NPC1: variants seen among roughly 807,000 people sequenced by gnomAD.
NPC1 encodes the protein Niemann-Pick C1 protein.
In NPC1, 85 loss-of-function variants were observed where a neutral mutation model predicts 140.4. That is an observed-to-expected ratio of 0.61 (90% CI 0.51 to 0.72). The LOEUF is 0.72. NPC1 is among the 30% of genes least tolerant of loss of function. The pLI is 0.00. For missense variants in NPC1, 1,504 were observed against 1,623.8 expected (o/e 0.93, Z 1.27); for synonymous variants, 656 against 624.8 (o/e 1.05, Z -0.74).
chr18:23,570,171 C>A (rs564440175), intron 3 of NPC1, among the ~76,000 whole-genome samples: 2 of 152,326 alleles, frequency 1.3e-5, no homozygotes, highest in East Asian at 3.9e-4. Flanking sequence ...TTGGGGTACA[C>A]AGTTTTCAAA....
chr18:23,539,484 A>C lies in NPC1; in HGVS notation c.2796-14T>G. ...CCTATTCGGGTACTAGAGAGGACAG[A>C]CAGGGTTACTGACCTGCTCCACAGG... On this transcript the variant is annotated splice_polypyrimidine_tract_variant and intron_variant, in intron 18 of 24. Transcript: ENST00000269228. The C allele has an allele frequency of 6.4e-7, 1 of 1,566,076 alleles. No individual in the cohort carries two copies. Among genetic ancestry groups the C allele is most frequent in the Non-Finnish European group, 8.8e-7 (1 of 1,137,428 alleles).
At chr18:23,579,103 C>T (rs1244859782) in intron 1 of NPC1, among the ~76,000 whole-genome samples, 1 of 152,242 alleles carries the variant, frequency 6.6e-6, no homozygotes, top group Non-Finnish European at 1.5e-5. Context: ...ATCACTCTAA[C>T]TGCCTACCCT....
chr18:23,566,786 T>A (rs540824693), intron 4 of NPC1, among the ~76,000 whole-genome samples: 1 of 152,224 alleles, frequency 6.6e-6, no homozygotes, highest in Non-Finnish European at 1.5e-5. Context: ...ACCACCATTA[T>A]AGTATCATAT....
rs1229043618 is a variant in NPC1, at chr18:23,533,535, G to A, written c.3592-18C>T. 1.2e-6 allele frequency: 2 copies of A among 1,613,304 alleles called. No individual in the cohort carries two copies. The highest frequency in any genetic ancestry group is 1.7e-6 in the Non-Finnish European group (2 of 1,179,274). On this transcript the variant is annotated intron_variant, in intron 23 of 24. Transcript: ENST00000269228. Reference sequence around the variant, plus strand: ...CTGAACACCTAAAAGAAGAGATACTGTGTTAGAAACCACTTTTACCAACCT... The same window carrying A: ...CTGAACACCTAAAAGAAGAGATACTATGTTAGAAACCACTTTTACCAACCT...
chr18:23,546,264 A>AAG (rs2058788404), intron 11 of NPC1, among the ~76,000 whole-genome samples: 1 of 150,832 alleles, frequency 6.6e-6, no homozygotes, highest in African/African-American at 2.4e-5. Flanking sequence ...AAAAAAAAAA[A>AAG]AAAAAAAAAA....
chr18:23,577,679 G>A (rs1567985477), intron 1 of NPC1, among the ~76,000 whole-genome samples: 1 of 152,218 alleles, frequency 6.6e-6, no homozygotes, highest in African/African-American at 2.4e-5. Context: ...GTGGAGCAGG[G>A]GGTGGCGCTC....
At chr18:23,576,857 G>C (rs2059288939) in intron 1 of NPC1, 21 of 157,248 alleles carry the variant, frequency 1.3e-4, no homozygotes, top group Non-Finnish European at 2.1e-4. Context: ...TAAAAGCAGT[G>C]TGGACCCAAA....
chr18:23,513,249 C>T (rs1193629652), intron 3 of NPC1, among the ~76,000 whole-genome samples: 2 of 152,142 alleles, frequency 1.3e-5, no homozygotes, highest in East Asian at 1.9e-4. Flanking sequence ...CCACTGTGTC[C>T]GGCCGAATTT....
At chr18:23,519,409 T>C (rs1055577425), downstream of NPC1, among the ~76,000 whole-genome samples, 4 of 152,022 alleles carry the variant, frequency 2.6e-5, no homozygotes, top group Non-Finnish European at 5.9e-5. Flanking sequence ...TCCCAGCTAC[T>C]TGTGGGGCTA....
At position 23,531,587 on chromosome 18, in the gene NPC1, G is replaced by A; in HGVS notation, c.*615C>T. 1 of 1,601,754 alleles carries A rather than the reference G, an allele frequency of 6.2e-7. No individual in the cohort carries two copies. Among genetic ancestry groups the A allele is most frequent in the Non-Finnish European group, 8.5e-7 (1 of 1,175,768 alleles). On this transcript the variant is annotated 3_prime_UTR_variant, in exon 25 of 25. Transcript: ENST00000269228. ...ATGCTTTCTTTGTCCCTCATTTCATGCCACATCTAACTGGCAATTAAATCT... is the reference window on the plus strand; with the variant it reads ...ATGCTTTCTTTGTCCCTCATTTCATACCACATCTAACTGGCAATTAAATCT...
chr18:23,523,459 G>A (rs2058197532), intron 1 of NPC1, among the ~76,000 whole-genome samples: 1 of 143,240 alleles, frequency 7.0e-6, no homozygotes, highest in Non-Finnish European at 1.5e-5. Context: ...GCCTGTAATC[G>A]CAGCATGTTG....
At chr18:23,569,083 T>A in intron 3 of NPC1, 85 bp from the exon 4 acceptor site, 1 of 946,904 alleles carries the variant, frequency 1.1e-6, no homozygotes, top group Non-Finnish European at 1.7e-6. Context: ...AAGAATATTT[T>A]AAACTTACTG....
At chr18:23,513,697 A>AAC (rs1476522416) in intron 3 of NPC1, among the ~76,000 whole-genome samples, 1 of 152,188 alleles carries the variant, frequency 6.6e-6, no homozygotes, top group Non-Finnish European at 1.5e-5. Flanking sequence ...TATCCTCACC[A>AAC]ACACTTGCTG....
chr18:23,540,390 A>C (rs2058696330), intron 17 of NPC1, 58 bp downstream of exon 17: 2 of 1,135,954 alleles, frequency 1.8e-6, no homozygotes, highest in Admixed American at 3.8e-5. Flanking sequence ...TGTTTTGAAA[A>C]ATGTATTCAT....
At chr18:23,521,205 T>C (rs893125171), downstream of NPC1, among the ~76,000 whole-genome samples, 3 of 152,146 alleles carry the variant, frequency 2.0e-5, no homozygotes, top group African/African-American at 7.2e-5. Flanking sequence ...TAAGCTAAAA[T>C]TATGTTGTGA....
chr18:23,537,421 G>A (rs2058648507), intron 20 of NPC1, among the ~76,000 whole-genome samples: 1 of 152,152 alleles, frequency 6.6e-6, no homozygotes, highest in Non-Finnish European at 1.5e-5. Context: ...GTACATAGCT[G>A]CTGTTTCTCC....
intron 20 of NPC1, among the ~76,000 whole-genome samples, chr18:23,537,670 C>T (rs1454780729): frequency 1.3e-5 from 2 of 152,174 alleles, no homozygotes; most frequent in African/African-American, 2.4e-5. Flanking sequence ...CCTGGCATGA[C>T]GCTGGCACCC....
At position 23,533,402 on chromosome 18, in the gene NPC1, C is replaced by G; in HGVS notation, c.3707G>C (p.Gly1236Ala). The change falls in exon 24 of 25, where the codon GGA (glycine) becomes GCA (alanine). Residue 1236 changes from glycine to alanine, a missense_variant. By Grantham distance (60) the Gly-to-Ala change is moderately conservative. Transcript: ENST00000269228. ...GAGAAATATTAATCCGTGAGTGGCT[C>G]CCAGTAAGACCATGGCCAAATACAT... is the stretch of plus-strand genomic sequence containing the variant. The part of the protein sequence containing the change: ...FRMYLAMVLL[G>A]ATHGLIFLPV... The G allele has an allele frequency of 1.2e-6, 2 of 1,614,136 alleles. No individual in the cohort carries two copies. Among genetic ancestry groups the G allele is most frequent in the Non-Finnish European group, 1.7e-6 (2 of 1,179,998 alleles).
At chr18:23,517,155 T>G (rs553461691) in intron 3 of NPC1, among the ~76,000 whole-genome samples, 57 of 152,268 alleles carry the variant, frequency 3.7e-4, no homozygotes, top group South Asian at 6.2e-4. Context: ...TACTTTTTTT[T>G]TTTGTTTGTT....
Sources: allele counts gnomAD v4.1 joint callset (sites outside exome capture counted in the v4.1 genomes callset), GRCh38; gene constraint gnomAD v4.1.1; transcripts MANE v1.5; gene names NCBI Gene and HGNC (gene_info 2026-07-23, HGNC 2026-07-21).